The following GNB1 variants were observed in gnomAD, a reference collection of about 807,000 sequenced individuals.
GNB1 encodes the protein guanine nucleotide-binding protein G(I)/G(S)/G(T) subunit beta-1.
Under a neutral mutation model 42.9 loss-of-function variants are expected in GNB1, and 2 were observed. The observed-to-expected ratio is 0.05, with a 90% CI of 0.02 to 0.15. The LOEUF is 0.15. Among genes scored for constraint, GNB1 ranks in the 10% least tolerant of loss-of-function variants. GNB1 has a pLI of 1.00. For synonymous variants in GNB1, 183 were observed against 174.7 expected (o/e 1.05, Z -0.38); for missense variants, 193 against 462.2 (o/e 0.42, Z 5.34).
At chr1:1,824,314 C>T (rs569662498) in intron 3 of GNB1, among the ~76,000 whole-genome samples, 5 of 152,196 alleles carry the variant, frequency 3.3e-5, no homozygotes, top group Non-Finnish European at 7.4e-5. Context: ...GAATGAATTC[C>T]ATTTAGACCT....
chr1:1,820,787 A>G (rs1479921610), intron 3 of GNB1, among the ~76,000 whole-genome samples: 1 of 152,348 alleles, frequency 6.6e-6, no homozygotes, highest in Admixed American at 6.5e-5. Flanking sequence ...TGTTAAACCG[A>G]AGGAAAAACT....
rs140241675 is a variant in GNB1 at position 1,848,179 on chromosome 1, A to G, written c.-95-8941T>C. Among the ~76,000 whole-genome samples, 239 of 152,034 alleles carry G rather than the reference A, an allele frequency of 1.6e-3. 1 individual carries two copies. The highest frequency in any genetic ancestry group is 3.5e-3 in the Admixed American group (54 of 15,242). ...CAGACCACGAGATCAGGTGTTCCAG[A>G]CCACCCTGGCCAACACAGTGAAACT... On this transcript the variant is annotated intron_variant, in intron 1 of 11. Transcript: ENST00000378609.
intron 7 of GNB1, among the ~76,000 whole-genome samples, chr1:1,800,997 T>C (rs1312973137): frequency 2.0e-5 from 3 of 152,230 alleles, no homozygotes; most frequent in Admixed American, 6.5e-5. Context: ...GCACTGGACA[T>C]GGAAGATCTC....
At chr1:1,835,181 T>G (rs1647128997) in intron 2 of GNB1, among the ~76,000 whole-genome samples, 1 of 152,204 alleles carries the variant, frequency 6.6e-6, no homozygotes, top group African/African-American at 2.4e-5. Context: ...TTATTGGCAT[T>G]TGCAGGTCCA....
intron 2 of GNB1, among the ~76,000 whole-genome samples, chr1:1,836,963 A>G (rs1312687495): frequency 1.3e-5 from 2 of 151,140 alleles, no homozygotes; most frequent in Non-Finnish European, 2.9e-5. Context: ...CTGGGATTAC[A>G]GGTGTTAGCC....
chr1:1,882,276 A>T (rs752871840), intron 1 of GNB1, among the ~76,000 whole-genome samples: 7 of 152,016 alleles, frequency 4.6e-5, no homozygotes, highest in Admixed American at 2.0e-4. Flanking sequence ...GATACAAAAA[A>T]CATTAGCTAG....
intron 1 of GNB1, among the ~76,000 whole-genome samples, chr1:1,840,725 C>T (rs1029240073): frequency 6.6e-6 from 1 of 152,214 alleles, no homozygotes; most frequent in African/African-American, 2.4e-5. Context: ...CTCCCTCTGT[C>T]CCTCTCCTGC....
Position 1,862,305 on chromosome 1 carries a change from CTAAG to C in GNB1, c.-95-23071_-95-23068del, listed in dbSNP as rs532677886. Among the ~76,000 whole-genome samples, 391 of 152,300 alleles carry C rather than the reference CTAAG, an allele frequency of 2.6e-3. 2 individuals are homozygous for C. The highest frequency in any genetic ancestry group is 8.6e-3 in the African/African-American group (358 of 41,552). The stretch of plus-strand genomic sequence containing the variant: ...CCATGAATTGGAGGATGAAGAGCCA[CTAAG>C]TAACTCCTGGGACCTCCTCTTCGGA... On this transcript the variant is annotated intron_variant, in intron 1 of 11. Coordinates refer to ENST00000378609, the MANE Select transcript of GNB1 (RefSeq NM_002074.5).
chr1:1,889,970 G>A (rs1650384557), intron 1 of GNB1, among the ~76,000 whole-genome samples: 1 of 151,998 alleles, frequency 6.6e-6, no homozygotes, highest in African/African-American at 2.4e-5. Flanking sequence ...CCACCTTCGG[G>A]CCTTCGGAAT....
chr1:1,839,359 T>G (rs1647193716), intron 1 of GNB1, 121 bp from the exon 2 acceptor site: 1 of 152,180 alleles, frequency 6.6e-6, no homozygotes, highest in South Asian at 2.1e-4. Flanking sequence ...CTATTACTAT[T>G]TCTCCCCCAA....
At chr1:1,828,088 C>G (rs77763251) in intron 2 of GNB1, among the ~76,000 whole-genome samples, 392 of 152,072 alleles carry the variant, frequency 2.6e-3, no homozygotes, top group African/African-American at 9.0e-3. Context: ...TGGGAGGCTG[C>G]GGACAACGGA....
Position 1,790,622 on chromosome 1 carries a change from G to T in GNB1, c.498-26C>A. Reference sequence around the variant, plus strand: ...CTGGAGCAGGAGCGAATGACAAGGGGACATCAGCCTTAACTTCTTGGGTGG... The same window carrying T: ...CTGGAGCAGGAGCGAATGACAAGGGTACATCAGCCTTAACTTCTTGGGTGG... On this transcript the variant is annotated intron_variant, in intron 8 of 11. Transcript: ENST00000378609. This position sits in a 1 kb window ranked among gnomAD's most constrained non-coding sequence, Gnocchi z 5.4. 6.4e-7 allele frequency: 1 copy of T among 1,555,208 alleles called. No individual in the cohort carries two copies. Among genetic ancestry groups the T allele is most frequent in the Non-Finnish European group, 8.9e-7 (1 of 1,127,908 alleles).
intron 2 of GNB1, among the ~76,000 whole-genome samples, chr1:1,826,199 T>G (rs2101000524): frequency 6.6e-6 from 1 of 152,182 alleles, no homozygotes; most frequent in Admixed American, 6.5e-5. Context: ...GGTGGATCAC[T>G]TGAGGTCAGG....
intron 6 of GNB1, among the ~76,000 whole-genome samples, chr1:1,805,081 G>A (rs1646678546): frequency 1.3e-5 from 2 of 152,180 alleles, no homozygotes; most frequent in Non-Finnish European, 2.9e-5. Flanking sequence ...AGAATCACTT[G>A]AACCCGGGAG....
rs1370157251 is a variant in GNB1, at chr1:1,877,314, A to ATAT, written c.-96+13505_-96+13506insATA. 1.0e-3 allele frequency among the ~76,000 whole-genome samples: 134 copies of ATAT among 131,232 alleles called. 1 individual carries two copies. Among genetic ancestry groups the ATAT allele is most frequent in the South Asian group, 7.1e-3 (29 of 4,110 alleles). 86.1% of individuals were successfully genotyped at this position (131,232 alleles called of 152,430 possible). On this transcript the variant is annotated intron_variant, in intron 1 of 11. Coordinates refer to ENST00000378609, the MANE Select transcript of GNB1 (RefSeq NM_002074.5). ...ACTCTGTCTCAAAAAAAAAAAAAAA[A>ATAT]AAATATATATATATATACACACACA...
rs748316743 is a variant in GNB1, at chr1:1,787,403, G to A, written c.951C>T (p.Cys317=). The A allele has an allele frequency of 3.7e-6, 6 of 1,613,540 alleles. No homozygotes were observed. The Admixed American group carries it at 1.0e-4, about 27-fold the overall frequency. Residue 317 remains cysteine, a synonymous_variant, in exon 11 of 12, where the codon TGC becomes TGT. Transcript: ENST00000378609. The surrounding 1 kb of genome is among the most constrained non-coding windows in gnomAD (Gnocchi z 4.4). ...CCATGCCATCGTCAGTCACGCCCAG[G>A]CAGCTGACGCGGTTGTCATGCCCAG... ...VLAGHDNRVS[C]LGVTDDGMAV... is the part of the protein sequence containing the mutation.
intron 3 of GNB1, among the ~76,000 whole-genome samples, chr1:1,823,689 A>T (rs1368639825): frequency 6.6e-6 from 1 of 152,164 alleles, no homozygotes; most frequent in Non-Finnish European, 1.5e-5. Context: ...CTTTGGCTGT[A>T]AATCTCAGAG....
At chr1:1,819,807 T>C (rs1234081766) in intron 3 of GNB1, among the ~76,000 whole-genome samples, 4 of 151,352 alleles carry the variant, frequency 2.6e-5, no homozygotes, top group Non-Finnish European at 5.9e-5. Flanking sequence ...CCTCCCAAAG[T>C]GTTGGGATTA....
intron 2 of GNB1, among the ~76,000 whole-genome samples, chr1:1,836,936 ATCC>A (rs925614713): frequency 8.2e-4 from 122 of 149,068 alleles, no homozygotes; most frequent in African/African-American, 2.9e-3. Flanking sequence ...GCTTCAAGCA[ATCC>A]TCCTCCCAAA....
Sources: allele counts gnomAD v4.1 joint callset (sites outside exome capture counted in the v4.1 genomes callset), GRCh38; gene constraint gnomAD v4.1.1; non-coding constraint Gnocchi (gnomAD v3.1); transcripts MANE v1.5; gene names NCBI Gene and HGNC (gene_info 2026-07-23, HGNC 2026-07-21).